Variants in TRPC7 observed in about 807,000 individuals in gnomAD.
TRPC7 encodes short transient receptor potential channel 7.
Under a neutral mutation model 90.1 loss-of-function variants are expected in TRPC7, and 42 were observed. That is an observed-to-expected ratio of 0.47 (90% CI 0.36 to 0.60). The LOEUF is 0.60. TRPC7 is among the 20% of genes least tolerant of loss of function. The probability of loss-of-function intolerance (pLI) is 0.00; values close to 1 mark genes in which losing one functional copy is unlikely to be tolerated. For synonymous variants in TRPC7, 451 were observed against 436.3 expected (o/e 1.03, Z -0.42); for missense variants, 955 against 1,112.3 (o/e 0.86, Z 2.01).
At chr5:136,305,510 T>G (rs556320509) in intron 3 of TRPC7, among the ~76,000 whole-genome samples, 33 of 152,080 alleles carry the variant, frequency 2.2e-4, no homozygotes, top group African/African-American at 6.0e-4. Flanking sequence ...TCGAGGATTT[T>G]CCCCCACCCA....
rs1291614463 is a variant in TRPC7 at position 136,251,868 on chromosome 5, C to G, written c.1360G>C (p.Glu454Gln). The G allele has an allele frequency of 1.9e-6, 3 of 1,613,642 alleles. No individual in the cohort carries two copies. The highest frequency in any genetic ancestry group is 2.5e-6 in the Non-Finnish European group (3 of 1,179,756). Reference protein sequence around the residue: ...MKWVLGMIWSECKEIWEEGPR... With the variant: ...MKWVLGMIWSQCKEIWEEGPR... ...CCCTCCTCCCAGATTTCCTTGCATTCGGACCAAATCATTCCTGTGGGAGAA... is the reference window on the plus strand; with the variant it reads ...CCCTCCTCCCAGATTTCCTTGCATTGGGACCAAATCATTCCTGTGGGAGAA... The change falls in exon 6 of 12, where the codon GAA becomes CAA. Residue 454 changes from glutamate (E) to glutamine (Q), a missense_variant. By Grantham distance (29) the Glu-to-Gln change is conservative. Transcript: ENST00000513104.
chr5:136,308,973 A>G (rs2149836006), intron 3 of TRPC7, among the ~76,000 whole-genome samples: 1 of 152,248 alleles, frequency 6.6e-6, no homozygotes, highest in South Asian at 2.1e-4. Flanking sequence ...ATGACTGTAA[A>G]ATGTGCACAA....
chr5:136,305,613 G>A (rs1419181866), intron 3 of TRPC7, among the ~76,000 whole-genome samples: 4 of 152,058 alleles, frequency 2.6e-5, no homozygotes, highest in African/African-American at 7.2e-5. Flanking sequence ...ATAAGTAAAG[G>A]CCTTTCCTAC....
chr5:136,224,807 G>T (rs950770665), intron 10 of TRPC7, among the ~76,000 whole-genome samples: 3 of 152,118 alleles, frequency 2.0e-5, no homozygotes, highest in Non-Finnish European at 2.9e-5. Context: ...CTTCCACAGG[G>T]CCCAGCTGCC....
chr5:136,359,319 T>C (rs557772017), intron 1 of TRPC7, among the ~76,000 whole-genome samples: 1 of 152,304 alleles, frequency 6.6e-6, no homozygotes, highest in South Asian at 2.1e-4. Context: ...TGGAGCAACT[T>C]CTTTATCTGC....
rs764009360 is a variant in TRPC7 at position 136,213,539 on chromosome 5, G to C, written c.2485C>G (p.Gln829Glu). Residue 829 changes from glutamine (Q) to glutamate (E), a missense_variant, in exon 12 of 12, where the codon CAA becomes GAA. Physicochemically the swap from Gln to Glu is conservative, Grantham distance 29. Transcript: ENST00000513104. Reference protein sequence around the residue: ...LRYELLEEKSQATGELADLIQ... With the variant: ...LRYELLEEKSEATGELADLIQ... ...AGGTCTGCCAGCTCACCAGTAGCTT[G>C]AGATTTTTCCTCAAGAAGCTCATAG... 2.5e-6 allele frequency: 4 copies of C among 1,613,946 alleles called. No individual in the cohort carries two copies. Among genetic ancestry groups the C allele is most frequent in the Non-Finnish European group, 1.7e-6 (2 of 1,179,918 alleles).
At chr5:136,289,367 A>G (rs926057421) in intron 3 of TRPC7, among the ~76,000 whole-genome samples, 2 of 152,266 alleles carry the variant, frequency 1.3e-5, no homozygotes, top group Admixed American at 1.3e-4. Context: ...TGGGAAGTGC[A>G]AGGAGTCAGG....
intron 3 of TRPC7, among the ~76,000 whole-genome samples, chr5:136,312,081 G>T (rs768380329): frequency 1.3e-5 from 2 of 152,138 alleles, no homozygotes. Context: ...ACATTAATAA[G>T]TGTTTGGACC....
chr5:136,279,811 CT>C (rs1757486609), intron 3 of TRPC7, among the ~76,000 whole-genome samples: 2 of 152,312 alleles, frequency 1.3e-5, no homozygotes, highest in Admixed American at 1.3e-4. Context: ...GTTTCCAAAC[CT>C]GGCATATGTA....
At chr5:136,231,326 G>A in intron 8 of TRPC7, 28 bp downstream of exon 8, 1 of 1,552,948 alleles carries the variant, frequency 6.4e-7, no homozygotes, top group Non-Finnish European at 8.7e-7. Context: ...ATGAAGGAGA[G>A]CAAGCATTTT....
chr5:136,340,423 A>T (rs568873052), intron 2 of TRPC7, among the ~76,000 whole-genome samples: 4 of 152,246 alleles, frequency 2.6e-5, no homozygotes, highest in South Asian at 2.1e-4. Context: ...ACATATATTT[A>T]AAAAAACTAA....
intron 7 of TRPC7, among the ~76,000 whole-genome samples, chr5:136,238,827 AT>A (rs1458290929): frequency 1.3e-5 from 2 of 152,222 alleles, no homozygotes; most frequent in Non-Finnish European, 2.9e-5. Context: ...CATGAGAAGA[AT>A]GTATCCATAA....
Position 136,365,385 on chromosome 5 carries a change from G to T in TRPC7, c.-131C>A. ...TCCGTGGTGCTGAAGTATAGAGCTG[G>T]TCAAGTGAGTTAAGTTGCAACGATG... On this transcript the variant is annotated 5_prime_UTR_variant, in exon 1 of 12. Coordinates refer to ENST00000513104, the MANE Select transcript of TRPC7 (RefSeq NM_020389.3). 1 of 929,634 alleles carries T rather than the reference G, an allele frequency of 1.1e-6. No individual in the cohort carries two copies. Among genetic ancestry groups the T allele is most frequent in the Non-Finnish European group, 1.7e-6 (1 of 602,990 alleles). 57.6% of individuals were successfully genotyped at this position (929,634 alleles called of 1,614,324 possible).
chr5:136,364,262 A>G (rs1760657687), intron 1 of TRPC7, among the ~76,000 whole-genome samples: 1 of 152,224 alleles, frequency 6.6e-6, no homozygotes, highest in South Asian at 2.1e-4. Flanking sequence ...GGAGTTATCT[A>G]GTCTACATGC....
chr5:136,226,051 G>A lies in TRPC7; in HGVS notation c.2245C>T (p.Leu749=), dbSNP rs1242364280. 16 of 1,597,880 alleles carry A rather than the reference G, an allele frequency of 1.0e-5. No homozygotes were observed. The highest frequency in any genetic ancestry group is 1.4e-5 in the Non-Finnish European group (16 of 1,171,382). The change falls in exon 9 of 12, where the codon CTG becomes TTG. Residue 749 remains leucine, a synonymous_variant. Transcript: ENST00000513104. ...CTACCTACCTTGAATTTGGAATTCA[G>A]CATGCCCATTTCAAGGTCATTTTCA... ...SCENDLEMGM[L]NSKFKKTRYQ...
intron 3 of TRPC7, among the ~76,000 whole-genome samples, chr5:136,286,505 G>A (rs11957511): frequency 6.6e-6 from 1 of 152,120 alleles, no homozygotes; most frequent in African/African-American, 2.4e-5. Context: ...TGCAGGGAGA[G>A]AGACCAAATA....
At chr5:136,267,006 A>G (rs1348058828) in intron 4 of TRPC7, among the ~76,000 whole-genome samples, 1 of 152,182 alleles carries the variant, frequency 6.6e-6, no homozygotes, top group Admixed American at 6.5e-5. Context: ...TTTTAACTCA[A>G]GGATTATTTC....
At chr5:136,294,476 G>A (rs369108810) in intron 3 of TRPC7, among the ~76,000 whole-genome samples, 52 of 152,034 alleles carry the variant, frequency 3.4e-4, no homozygotes, top group South Asian at 1.7e-3. Context: ...AAAAGTGGGC[G>A]AAGGATATGA....
intron 5 of TRPC7, among the ~76,000 whole-genome samples, chr5:136,256,204 A>G (rs955485926): frequency 1.3e-5 from 2 of 151,592 alleles, no homozygotes; most frequent in African/African-American, 4.9e-5. Context: ...TTTCTTTGGT[A>G]CCTCCTGCCC....
Sources: allele counts gnomAD v4.1 joint callset (sites outside exome capture counted in the v4.1 genomes callset), GRCh38; gene constraint gnomAD v4.1.1; transcripts MANE v1.5; gene names NCBI Gene and HGNC (gene_info 2026-07-23, HGNC 2026-07-21).